RBFOX1: variants seen among roughly 807,000 people sequenced by gnomAD.
RBFOX1 encodes the protein RNA binding protein fox-1 homolog 1.
RBFOX1 carries 8 observed loss-of-function variants against 57.7 expected under a neutral mutation model. The observed-to-expected ratio is 0.14, with a 90% confidence interval of 0.08 to 0.25. The LOEUF is 0.25. Ranked by LOEUF, RBFOX1 falls within the 10% of genes least tolerant of loss-of-function variation. The probability of loss-of-function intolerance (pLI) is 1.00; values close to 1 mark genes in which losing one functional copy is unlikely to be tolerated. For missense variants in RBFOX1, 611 were observed against 548.5 expected (o/e 1.11, Z -1.14); for synonymous variants, 326 against 222.4 (o/e 1.47, Z -4.15).
At chr16:7,334,167 C>A (rs181632083) in intron 4 of RBFOX1, among the ~76,000 whole-genome samples, 2 of 152,228 alleles carry the variant, frequency 1.3e-5, no homozygotes, top group East Asian at 3.9e-4. Context: ...AGTGTACGAA[C>A]CTGGGTGATT....
At chr16:7,385,126 G>T (rs1342402120) in intron 4 of RBFOX1, among the ~76,000 whole-genome samples, 1 of 152,212 alleles carries the variant, frequency 6.6e-6, no homozygotes, top group Non-Finnish European at 1.5e-5. Context: ...TCTGAGAATT[G>T]GGCAAAGGCC....
chr16:5,429,620 C>A (rs1298519917), intron 1 of RBFOX1, among the ~76,000 whole-genome samples: 1 of 152,212 alleles, frequency 6.6e-6, no homozygotes, highest in Non-Finnish European at 1.5e-5. Flanking sequence ...TGGTTCAGCT[C>A]TGAGTCTACC....
At chr16:7,212,278 T>C (rs962938041) in intron 4 of RBFOX1, among the ~76,000 whole-genome samples, 3 of 152,132 alleles carry the variant, frequency 2.0e-5, no homozygotes, top group Non-Finnish European at 2.9e-5. Context: ...CAGCTGCCTT[T>C]GTGTACAGTC....
At chr16:6,080,038 T>C (rs926149076) in intron 1 of RBFOX1, among the ~76,000 whole-genome samples, 1 of 152,164 alleles carries the variant, frequency 6.6e-6, no homozygotes, top group Non-Finnish European at 1.5e-5. Flanking sequence ...TGAATTTAAG[T>C]CTGGTAATGC....
At chr16:7,264,254 A>G (rs113479246) in intron 4 of RBFOX1, among the ~76,000 whole-genome samples, 5,791 of 152,304 alleles carry the variant, frequency 0.038, 133 homozygotes, top group Middle Eastern at 0.061. Flanking sequence ...AGTGAACTGG[A>G]CAGAAGAAAA....
chr16:6,314,262 C>A (rs143127653), intron 1 of RBFOX1, among the ~76,000 whole-genome samples: 2,151 of 152,264 alleles, frequency 0.014, 44 homozygotes, highest in African/African-American at 0.047. Flanking sequence ...CATAAGGGGC[C>A]GTTTCCCAGA....
chr16:6,067,554 T>G (rs2095783464), intron 1 of RBFOX1, among the ~76,000 whole-genome samples: 1 of 152,214 alleles, frequency 6.6e-6, no homozygotes, highest in Non-Finnish European at 1.5e-5. Flanking sequence ...CAAACTATTT[T>G]GATGAAATAT....
chr16:6,043,048 G>A lies in RBFOX1; in HGVS notation c.-127+23056G>A, dbSNP rs539246363. Reference sequence around the variant, plus strand: ...ACCAAGAATCGCTTGAACCTGGGAGGCAGAGGTTGTGTTGAGCCGAGATCA... The same window carrying A: ...ACCAAGAATCGCTTGAACCTGGGAGACAGAGGTTGTGTTGAGCCGAGATCA... On this transcript the variant is annotated intron_variant, in intron 1 of 15. Transcript: ENST00000550418. Among the ~76,000 whole-genome samples the A allele has an allele frequency of 2.8e-4, 40 of 141,986 alleles. 2 individuals are homozygous for A. The highest frequency in any genetic ancestry group is 2.6e-3 in the Admixed American group (35 of 13,428). 93.1% of individuals were successfully genotyped at this position (141,986 alleles called of 152,430 possible). A position where few individuals can be genotyped will look rare whatever the true frequency, so the allele number is the denominator to read the frequency against.
intron 9 of RBFOX1, among the ~76,000 whole-genome samples, chr16:7,602,745 C>G (rs1009659097): frequency 6.6e-6 from 1 of 152,172 alleles, no homozygotes; most frequent in African/African-American, 2.4e-5. Context: ...ACATAACAGA[C>G]ATTTACAGAA....
intron 1 of RBFOX1, among the ~76,000 whole-genome samples, chr16:6,264,695 C>A (rs1368606010): frequency 6.6e-6 from 1 of 152,216 alleles, no homozygotes; most frequent in Non-Finnish European, 1.5e-5. Context: ...AGAAGCCACA[C>A]CCCTTGGAAA....
intron 4 of RBFOX1, among the ~76,000 whole-genome samples, chr16:7,150,307 C>G (rs951983838): frequency 6.6e-5 from 10 of 152,288 alleles, no homozygotes; most frequent in Admixed American, 1.3e-4. Flanking sequence ...CTTTATGGAC[C>G]TCTTTGTATG....
chr16:7,380,708 T>C (rs1257906746), intron 4 of RBFOX1, among the ~76,000 whole-genome samples: 1 of 152,250 alleles, frequency 6.6e-6, no homozygotes, highest in Admixed American at 6.5e-5. Context: ...TACAACTGTT[T>C]TCGTTTGCAC....
intron 7 of RBFOX1, 150 bp from the exon 8 acceptor site, chr16:7,595,399 T>C (rs572211015): frequency 2.0e-6 from 1 of 505,330 alleles, no homozygotes; most frequent in East Asian, 3.4e-5. Flanking sequence ...TTATTGCACA[T>C]CTCAGTACTC....
Position 7,010,318 on chromosome 16 carries a change from C to G in RBFOX1, c.-15-41739C>G, listed in dbSNP as rs571198146. 1.4e-4 allele frequency among the ~76,000 whole-genome samples: 22 copies of G among 152,306 alleles called. 1 individual carries two copies. In the East Asian group the frequency reaches 3.9e-3, roughly 27 times the overall value. Reference sequence around the variant, plus strand: ...CATTTAGAGAACACTAGAGAAAGAACTTACATTGTGAGCATCAAACCCAGT... The same window carrying G: ...CATTTAGAGAACACTAGAGAAAGAAGTTACATTGTGAGCATCAAACCCAGT... On this transcript the variant is annotated intron_variant, in intron 3 of 15. Coordinates refer to ENST00000550418, the MANE Select transcript of RBFOX1 (RefSeq NM_018723.4).
intron 3 of RBFOX1, among the ~76,000 whole-genome samples, chr16:5,831,281 A>G (rs1159279807): frequency 6.6e-6 from 1 of 151,814 alleles, no homozygotes; most frequent in African/African-American, 2.4e-5. Context: ...AGTTTTCCAG[A>G]GATCTGGTTT....
At chr16:7,040,796 T>C (rs924552367) in intron 3 of RBFOX1, among the ~76,000 whole-genome samples, 1 of 152,268 alleles carries the variant, frequency 6.6e-6, no homozygotes. Flanking sequence ...CATTTTCTAA[T>C]GGATTCATAA....
chr16:5,601,839 C>A (rs889848672), downstream of RBFOX1, among the ~76,000 whole-genome samples: 7 of 152,184 alleles, frequency 4.6e-5, no homozygotes, highest in African/African-American at 1.7e-4. Context: ...GAGATGGCTC[C>A]ATTTCCCCAG....
intron 4 of RBFOX1, among the ~76,000 whole-genome samples, chr16:7,407,042 C>A (rs564909332): frequency 6.6e-6 from 1 of 152,228 alleles, no homozygotes; most frequent in Admixed American, 6.5e-5. Context: ...AGATAATCTC[C>A]CCATCTCGAG....
At chr16:7,096,282 G>C (rs568461774) in intron 4 of RBFOX1, among the ~76,000 whole-genome samples, 2 of 152,276 alleles carry the variant, frequency 1.3e-5, no homozygotes, top group South Asian at 4.1e-4. Flanking sequence ...TGTAGGCTGA[G>C]ATATCTGAGA....
Sources: allele counts gnomAD v4.1 joint callset (sites outside exome capture counted in the v4.1 genomes callset), GRCh38; gene constraint gnomAD v4.1.1; transcripts MANE v1.5; gene names NCBI Gene and HGNC (gene_info 2026-07-23, HGNC 2026-07-21).